ADAP2: variants seen among roughly 807,000 people sequenced by gnomAD.
ADAP2 encodes arf-GAP with dual PH domain-containing protein 2.
ADAP2 carries 42 observed loss-of-function variants against 54.9 expected under a neutral mutation model. The observed-to-expected ratio is 0.77, with a 90% CI of 0.60 to 0.99. The LOEUF (loss-of-function observed/expected upper bound fraction) is 0.99, where lower values mean the gene tolerates loss of function less well. ADAP2 is among the 50% of genes least tolerant of loss of function. ADAP2 has a pLI of 0.00. For synonymous variants in ADAP2, 177 were observed against 180.1 expected, an observed-to-expected ratio of 0.98 and a Z score of 0.14; for missense variants, 429 against 480.4, an observed-to-expected ratio of 0.89 and a Z score of 1.00.
intron 6 of ADAP2, 23 bp from the exon 7 acceptor site, chr17:30,949,264 G>A: frequency 6.2e-7 from 1 of 1,601,642 alleles, no homozygotes; most frequent in Non-Finnish European, 8.6e-7. Context: ...CTGTGTGTGT[G>A]TCCTGTGCAC....
At chr17:30,937,095 T>C (rs1242395238) in intron 5 of ADAP2, among the ~76,000 whole-genome samples, 1 of 151,490 alleles carries the variant, frequency 6.6e-6, no homozygotes, top group Non-Finnish European at 1.5e-5. Context: ...GCCTGGCTAG[T>C]TTTTGTATTT....
intron 2 of ADAP2, 24 bp downstream of exon 2, chr17:30,923,094 G>C (rs1291846959): frequency 2.5e-6 from 4 of 1,612,294 alleles, no homozygotes; most frequent in Non-Finnish European, 3.4e-6. Context: ...CCCGTGGAGA[G>C]CCATGGAACT....
chr17:30,949,452 C>A, intron 7 of ADAP2, 82 bp downstream of exon 7: 1 of 1,354,072 alleles, frequency 7.4e-7, no homozygotes, highest in Non-Finnish European at 1.1e-6. Context: ...CGAAGACACT[C>A]AGAAGCCAGA....
chr17:30,951,662 T>A (rs906490137), intron 7 of ADAP2, among the ~76,000 whole-genome samples: 1 of 146,602 alleles, frequency 6.8e-6, no homozygotes, highest in African/African-American at 2.5e-5. Flanking sequence ...TTCTTTTTTT[T>A]TTTTTTTTTT....
At chr17:30,943,734 C>G (rs1476122799) in intron 5 of ADAP2, among the ~76,000 whole-genome samples, 1 of 152,054 alleles carries the variant, frequency 6.6e-6, no homozygotes, top group Admixed American at 6.6e-5. Context: ...GTAATCCCAG[C>G]TACTCAGGAG....
intron 9 of ADAP2, among the ~76,000 whole-genome samples, chr17:30,955,508 A>G (rs952426837): frequency 6.6e-5 from 10 of 151,940 alleles, no homozygotes; most frequent in African/African-American, 2.4e-4. Context: ...GGAGTTCGAG[A>G]CTAGCCTAAC....
At chr17:30,949,844 C>G (rs1235849251) in intron 7 of ADAP2, among the ~76,000 whole-genome samples, 1 of 152,102 alleles carries the variant, frequency 6.6e-6, no homozygotes, top group Non-Finnish European at 1.5e-5. Flanking sequence ...GAGGGAAGCC[C>G]AAGGCATTCT....
intron 2 of ADAP2, among the ~76,000 whole-genome samples, chr17:30,923,670 C>G (rs1233213976): frequency 1.3e-5 from 2 of 149,488 alleles, no homozygotes; most frequent in African/African-American, 4.9e-5. Context: ...ATACCACCAC[C>G]ATTTCTCTTT....
intron 7 of ADAP2, among the ~76,000 whole-genome samples, chr17:30,950,594 T>C (rs1350854566): frequency 1.3e-5 from 2 of 152,328 alleles, no homozygotes; most frequent in East Asian, 3.9e-4. Context: ...ATTTTAATGC[T>C]GGGATTTTCT....
intron 5 of ADAP2, among the ~76,000 whole-genome samples, chr17:30,940,321 T>C (rs1212080506): frequency 1.3e-5 from 2 of 151,486 alleles, no homozygotes; most frequent in East Asian, 3.9e-4. Context: ...TTTTTTTTTT[T>C]CGAGATGGAG....
chr17:30,925,394 T>C (rs1360965558), intron 2 of ADAP2, among the ~76,000 whole-genome samples: 1 of 151,592 alleles, frequency 6.6e-6, no homozygotes, highest in Non-Finnish European at 1.5e-5. Flanking sequence ...TTTCGCCATG[T>C]TGGCCAGGCT....
rs1904444379 is a variant in ADAP2, at chr17:30,949,566, G to A, written c.741+196G>A. On this transcript the variant is annotated intron_variant, in intron 7 of 10. Coordinates refer to ENST00000330889, the MANE Select transcript of ADAP2 (RefSeq NM_018404.3). ...GATCGAGACCATCCTGGCTAGCACG[G>A]TGAAACCCCGTCTCTACTAAAAATA... Among the ~76,000 whole-genome samples the A allele has an allele frequency of 3.3e-5, 5 of 151,988 alleles. No homozygotes were observed. In the South Asian group the frequency reaches 1.0e-3, roughly 32 times the overall value.
intron 3 of ADAP2, among the ~76,000 whole-genome samples, chr17:30,927,939 G>A (rs1911185326): frequency 6.6e-6 from 1 of 151,868 alleles, no homozygotes; most frequent in Non-Finnish European, 1.5e-5. Flanking sequence ...GAAGTGGGTG[G>A]ATTGCTTGAG....
intron 4 of ADAP2, among the ~76,000 whole-genome samples, chr17:30,932,342 C>T (rs1265274444): frequency 1.3e-5 from 2 of 151,588 alleles, no homozygotes; most frequent in East Asian, 3.9e-4. Flanking sequence ...ACATGATCCT[C>T]CCACCTCAGC....
In ADAP2 at chr17:30,926,931, T is replaced by C. The variant is rs1436007549; in HGVS notation, c.317+13T>C. 2 of 1,599,400 alleles carry C rather than the reference T, an allele frequency of 1.3e-6. No individual in the cohort carries two copies. Among genetic ancestry groups the C allele is most frequent in the Admixed American group, 1.7e-5 (1 of 59,972 alleles). On this transcript the variant is annotated intron_variant, in intron 3 of 10. Transcript: ENST00000330889. Reference sequence around the variant, plus strand: ...CCAACGACTGCCTGTGAGTGGGTGATTCCTTAGGGACTGGGTGAGGGGTCT... The same window carrying C: ...CCAACGACTGCCTGTGAGTGGGTGACTCCTTAGGGACTGGGTGAGGGGTCT...
In ADAP2 at chr17:30,921,975, G is replaced by A; in HGVS notation, c.-40G>A. ...TCTCCACCTGCCGGGCGGAGCGCACGGGCCATGGGCTGAGCCCCGCTGAGC... is the reference window on the plus strand; with the variant it reads ...TCTCCACCTGCCGGGCGGAGCGCACAGGCCATGGGCTGAGCCCCGCTGAGC... On this transcript the variant is annotated 5_prime_UTR_variant, in exon 1 of 11. Transcript: ENST00000330889. The A allele has an allele frequency of 8.2e-7, 1 of 1,212,726 alleles. No individual in the cohort carries two copies. The allele number at this position is 1,212,726 out of a possible 1,614,324, so 75.1% of individuals were successfully genotyped here. A position where few individuals can be genotyped will look rare whatever the true frequency, so the allele number is the denominator to read the frequency against.
intron 5 of ADAP2, among the ~76,000 whole-genome samples, chr17:30,938,665 C>T (rs752752288): frequency 2.6e-5 from 4 of 152,156 alleles, no homozygotes; most frequent in Non-Finnish European, 5.9e-5. Context: ...GCTCTGAGCA[C>T]TTTAGCCTTC....
intron 3 of ADAP2, among the ~76,000 whole-genome samples, chr17:30,927,179 G>T (rs753119767): frequency 1.3e-5 from 2 of 151,994 alleles, no homozygotes; most frequent in African/African-American, 2.4e-5. Flanking sequence ...GGATTTTTCT[G>T]TATGATCTCT....
At chr17:30,936,718 C>T (rs555488950) in intron 5 of ADAP2, among the ~76,000 whole-genome samples, 1 of 152,220 alleles carries the variant, frequency 6.6e-6, no homozygotes, top group Admixed American at 6.5e-5. Context: ...AGATGGAGAC[C>T]ATCTTGGCTA....
Sources: gnomAD v4.1 joint callset for allele counts (sites outside exome capture counted in the v4.1 genomes callset) on GRCh38, gnomAD v4.1.1 for gene constraint, MANE v1.5 for transcripts, NCBI Gene and HGNC (gene_info 2026-07-23, HGNC 2026-07-21) for gene names.